Variants in ITGA1 observed in about 807,000 individuals in gnomAD.
ITGA1 encodes integrin alpha-1.
ITGA1 carries 85 observed loss-of-function variants against 145.9 expected under a neutral mutation model. That is an observed-to-expected ratio of 0.58 (90% CI 0.49 to 0.70). ITGA1 has a LOEUF of 0.70. Among genes scored for constraint, ITGA1 ranks in the 30% least tolerant of loss-of-function variants. The pLI, the probability that ITGA1 is intolerant of heterozygous loss-of-function variation, is 0.00. For missense variants in ITGA1, 1,351 were observed against 1,418.7 expected (o/e 0.95, Z 0.77); for synonymous variants, 520 against 495.3 (o/e 1.05, Z -0.66).
intron 11 of ITGA1, chr5:52,903,259 C>T (rs1206541028): frequency 6.6e-6 from 1 of 152,008 alleles, no homozygotes; most frequent in Admixed American, 6.6e-5. Flanking sequence ...CACTCTCATT[C>T]TACTCCCTTC....
chr5:52,819,995 A>G (rs1393469270), intron 1 of ITGA1, among the ~76,000 whole-genome samples: 1 of 151,946 alleles, frequency 6.6e-6, no homozygotes, highest in Non-Finnish European at 1.5e-5. Context: ...GTTCTGTTCC[A>G]TTGGTCTATA....
At chr5:52,911,038 TATACTATATATACTATAC>T (rs1750510683) in intron 14 of ITGA1, among the ~76,000 whole-genome samples, 1 of 6,254 alleles carries the variant, frequency 1.6e-4, no homozygotes, top group Non-Finnish European at 3.1e-4. Context: ...GTATACTGTA[TATACTATATATACTATAC>T]ATAGTGTATA....
chr5:52,940,864 C>A (rs1751044617), intron 26 of ITGA1, among the ~76,000 whole-genome samples: 1 of 152,048 alleles, frequency 6.6e-6, no homozygotes, highest in Non-Finnish European at 1.5e-5. Context: ...GGTATATTTG[C>A]AGGATATTGA....
intron 21 of ITGA1, 71 bp downstream of exon 21, chr5:52,929,772 G>C (rs776816490): frequency 6.0e-6 from 5 of 839,184 alleles, no homozygotes; most frequent in Non-Finnish European, 7.6e-6. Flanking sequence ...CGAATATTTT[G>C]CTCTATAAAC....
At position 52,958,040 on chromosome 5, in the gene ITGA1, C is replaced by G. The variant is rs1405391203; in HGVS notation, c.*5589C>G. The stretch of plus-strand genomic sequence containing the variant: ...CCAGTTGTGGTCTTGAAAAATCTCT[C>G]TATTGCATTACTTATCCTCACCCTT... On this transcript the variant is annotated 3_prime_UTR_variant, in exon 29 of 29. Transcript: ENST00000282588. 6.6e-6 allele frequency: 1 copy of G among 152,164 alleles called. No individual in the cohort carries two copies. Among genetic ancestry groups the G allele is most frequent in the African/African-American group, 2.4e-5 (1 of 41,454 alleles). 9.4% of individuals were successfully genotyped at this position (152,164 alleles called of 1,614,324 possible).
At chr5:52,929,395 A>G (rs530909966) in intron 20 of ITGA1, among the ~76,000 whole-genome samples, 2 of 152,232 alleles carry the variant, frequency 1.3e-5, no homozygotes, top group Non-Finnish European at 2.9e-5. Context: ...GAGGGGAAAC[A>G]TTCACATTAT....
chr5:52,918,056 C>CG (rs1750674412), intron 15 of ITGA1, among the ~76,000 whole-genome samples: 1 of 152,128 alleles, frequency 6.6e-6, no homozygotes, highest in African/African-American at 2.4e-5. Context: ...TGAGATCTTA[C>CG]TCTGATCTCA....
chr5:52,815,502 A>G (rs760479187), intron 1 of ITGA1, among the ~76,000 whole-genome samples: 2 of 152,208 alleles, frequency 1.3e-5, no homozygotes, highest in Non-Finnish European at 1.5e-5. Flanking sequence ...TGGCTTGGGC[A>G]GGAGAGATCT....
At chr5:52,861,296 T>C (rs1749596991) in intron 2 of ITGA1, 151 bp from the exon 3 acceptor site, 1 of 607,908 alleles carries the variant, frequency 1.6e-6, no homozygotes, top group African/African-American at 1.9e-5. Flanking sequence ...GTAGGCTCTC[T>C]GCTTAGTTTA....
chr5:52,905,300 TA>T (rs1750383042), intron 11 of ITGA1: 1 of 152,434 alleles, frequency 6.6e-6, no homozygotes, highest in Non-Finnish European at 1.5e-5. Context: ...CTTTATGCTT[TA>T]ACCAAGAGAA....
At chr5:52,801,105 G>C (rs780755447) in intron 1 of ITGA1, 2 of 1,603,160 alleles carry the variant, frequency 1.2e-6, no homozygotes, top group Non-Finnish European at 1.7e-6. Flanking sequence ...TGGAAAACCG[G>C]TCCAAATTTC....
intron 6 of ITGA1, chr5:52,867,009 G>A (rs1749697431): frequency 6.7e-6 from 1 of 149,138 alleles, no homozygotes; most frequent in African/African-American, 2.5e-5. Flanking sequence ...TCAATACAGT[G>A]ATCTTCCTTT....
intron 1 of ITGA1, among the ~76,000 whole-genome samples, chr5:52,799,484 T>A (rs756267632): frequency 8.5e-5 from 13 of 152,144 alleles, no homozygotes; most frequent in Non-Finnish European, 1.8e-4. Flanking sequence ...GGACATCAGG[T>A]CAAGCAACTG....
At chr5:52,946,604 G>A (rs562377933) in intron 27 of ITGA1, among the ~76,000 whole-genome samples, 18 of 152,102 alleles carry the variant, frequency 1.2e-4, no homozygotes, top group Non-Finnish European at 2.1e-4. Flanking sequence ...ACTAGCCATT[G>A]ATATCTACCC....
At chr5:52,897,599 C>T (rs974979398) in intron 10 of ITGA1, 71 bp downstream of exon 10, 6 of 1,122,722 alleles carry the variant, frequency 5.3e-6, no homozygotes, top group Non-Finnish European at 8.1e-6. Context: ...CAACATCTAG[C>T]CATCAGTATG....
rs537778623 is a variant in ITGA1 at position 52,884,636 on chromosome 5, C to G, written c.773+2615C>G. 5.3e-5 allele frequency among the ~76,000 whole-genome samples: 8 copies of G among 152,268 alleles called. No homozygotes were observed. The South Asian group carries it at 1.7e-3, about 32-fold the overall frequency. On this transcript the variant is annotated intron_variant, in intron 7 of 28. Transcript: ENST00000282588. ...CAAGTGGGCATTTATAGTCAAGGAA[C>G]AGGGCAGGGATTGGCAGTAACATCA...
intron 1 of ITGA1, among the ~76,000 whole-genome samples, chr5:52,812,581 GGA>G (rs1333913393): frequency 6.6e-6 from 1 of 152,050 alleles, no homozygotes; most frequent in Non-Finnish European, 1.5e-5. Context: ...AGAAAATCTT[GGA>G]TCTCCCACAG....
chr5:52,860,332 G>C (rs1366258101), intron 2 of ITGA1, among the ~76,000 whole-genome samples: 2 of 152,136 alleles, frequency 1.3e-5, no homozygotes, highest in Non-Finnish European at 2.9e-5. Context: ...CGGATCACGT[G>C]GTCAAGAGAC....
At chr5:52,800,332 C>T in intron 1 of ITGA1, 2 of 1,589,988 alleles carry the variant, frequency 1.3e-6, no homozygotes, top group Admixed American at 3.4e-5. Context: ...ATCCCCTCTC[C>T]CGGGGCGGAG....
Sources: allele counts gnomAD v4.1 joint callset (sites outside exome capture counted in the v4.1 genomes callset), GRCh38; gene constraint gnomAD v4.1.1; transcripts MANE v1.5; gene names NCBI Gene and HGNC (gene_info 2026-07-23, HGNC 2026-07-21).